The following SLC12A7 variants were observed in gnomAD, a reference collection of about 807,000 sequenced individuals.
The protein encoded by SLC12A7 is solute carrier family 12 member 7, also known as K-Cl cotransporter 4.
SLC12A7 carries 100 observed loss-of-function variants against 120.6 expected under a neutral mutation model. That is an observed-to-expected ratio of 0.83 (90% CI 0.71 to 0.98). The LOEUF is 0.98. Among genes scored for constraint, SLC12A7 ranks in the 50% least tolerant of loss-of-function variants. The pLI is 0.00. For synonymous variants in SLC12A7, 760 were observed against 678.0 expected (o/e 1.12, Z -1.88); for missense variants, 1,373 against 1,548.1 (o/e 0.89, Z 1.90).
intron 3 of SLC12A7, among the ~76,000 whole-genome samples, chr5:1,092,319 G>A (rs982937437): frequency 6.6e-6 from 1 of 152,236 alleles, no homozygotes; most frequent in Non-Finnish European, 1.5e-5. Context: ...GCAAAGCGCA[G>A]AGCCCAGGCT....
rs1270929178 is a variant in SLC12A7, at chr5:1,065,329, T to C, written c.2391A>G (p.Ala797=). 1 of 1,599,544 alleles carries C rather than the reference T, an allele frequency of 6.3e-7. No individual in the cohort carries two copies. The highest frequency in any genetic ancestry group is 8.5e-7 in the Non-Finnish European group (1 of 1,171,876). Residue 797 remains alanine, a synonymous_variant, in exon 18 of 24, where the codon GCA becomes GCG. Transcript: ENST00000264930. ...KHNTVLMAWP[A]SWKQEDNPFS... is the part of the protein sequence containing the mutation. ...AGGGGTTGTCCTCCTGCTTCCAGGA[T>C]GCGGGCCAGGCCATGAGCACCGTGT...
chr5:1,096,636 A>T (rs1741159086), intron 1 of SLC12A7, among the ~76,000 whole-genome samples: 1 of 140,898 alleles, frequency 7.1e-6, no homozygotes, highest in Non-Finnish European at 1.5e-5. Context: ...AAGGACCAGG[A>T]GCCTGGTGCA....
At chr5:1,082,059 T>C (rs1174012655) in intron 8 of SLC12A7, among the ~76,000 whole-genome samples, 18 of 63,160 alleles carry the variant, frequency 2.8e-4, no homozygotes, top group African/African-American at 1.4e-3. Flanking sequence ...CTGGAAAGCC[T>C]GGGCTTCCCA....
upstream of SLC12A7, among the ~76,000 whole-genome samples, chr5:1,113,007 G>A (rs1425551565): frequency 6.6e-6 from 1 of 152,034 alleles, no homozygotes; most frequent in Non-Finnish European, 1.5e-5. Context: ...CTCACAGGGT[G>A]ATGCAGGGAA....
chr5:1,063,532 G>A (rs1395527036), intron 20 of SLC12A7, among the ~76,000 whole-genome samples: 1 of 152,130 alleles, frequency 6.6e-6, no homozygotes, highest in Non-Finnish European at 1.5e-5. Context: ...TTTCTGTGAT[G>A]TCCTGGCGAT....
chr5:1,059,524 G>A (rs1329045860), intron 21 of SLC12A7, among the ~76,000 whole-genome samples: 3 of 152,234 alleles, frequency 2.0e-5, no homozygotes, highest in East Asian at 1.9e-4. Context: ...CCATGAGGCC[G>A]TGACCTCACA....
intron 1 of SLC12A7, among the ~76,000 whole-genome samples, chr5:1,101,898 G>A (rs914064889): frequency 6.6e-6 from 1 of 151,936 alleles, no homozygotes; most frequent in African/African-American, 2.4e-5. Flanking sequence ...ATTAACAAAG[G>A]CCTGCCCCTG....
the SLC12A7 span, among the ~76,000 whole-genome samples, chr5:1,122,540 C>T: frequency 6.6e-5 from 10 of 152,232 alleles, no homozygotes; most frequent in East Asian, 1.9e-4. Context: ...GTCCGACGGA[C>T]GAACCGCATT....
intron 8 of SLC12A7, among the ~76,000 whole-genome samples, chr5:1,083,116 G>A (rs1056803148): frequency 1.4e-5 from 2 of 143,802 alleles, no homozygotes; most frequent in Non-Finnish European, 3.0e-5. Context: ...TGGAAAGTCC[G>A]GGCTTCCCCA....
At chr5:1,118,072 T>C in the SLC12A7 span, among the ~76,000 whole-genome samples, 2 of 151,884 alleles carry the variant, frequency 1.3e-5, no homozygotes, top group African/African-American at 4.8e-5. Flanking sequence ...TGAGACTCTG[T>C]CTCAAAAAAA....
chr5:1,139,591 C>T, the SLC12A7 span, among the ~76,000 whole-genome samples: 1 of 152,242 alleles, frequency 6.6e-6, no homozygotes, highest in Non-Finnish European at 1.5e-5. Context: ...GTGGCCCTAG[C>T]GGGTGTGGGT....
chr5:1,109,165 G>A (rs993178228), intron 1 of SLC12A7, among the ~76,000 whole-genome samples: 3 of 152,118 alleles, frequency 2.0e-5, no homozygotes, highest in East Asian at 1.9e-4. Context: ...GGCTCTGCAC[G>A]CTGCACCTTC....
chr5:1,056,449 A>T, intron 22 of SLC12A7: 1 of 269,866 alleles, frequency 3.7e-6, no homozygotes, highest in Non-Finnish European at 5.7e-6. Flanking sequence ...CTGTACGCGG[A>T]CGCACACAAG....
the SLC12A7 span, among the ~76,000 whole-genome samples, chr5:1,144,746 G>A: frequency 1.3e-5 from 2 of 152,256 alleles, no homozygotes; most frequent in Non-Finnish European, 2.9e-5. Context: ...AAAATTACAG[G>A]CAAGGAAGCA....
chr5:1,083,929 C>A lies in SLC12A7; in HGVS notation c.945G>T (p.Leu315=). ...CGCAGGCATCGAAGCTGCGCCGTGACAGCGTGCGGTTCCCCAGGAGGCAGA... is the reference window on the plus strand; with the variant it reads ...CGCAGGCATCGAAGCTGCGCCGTGAAAGCGTGCGGTTCCCCAGGAGGCAGA... ...IPVCLLGNRT[L]SRRSFDACVK... Residue 315 remains leucine (L), a synonymous_variant, in exon 8 of 24, where the codon CTG becomes CTT. Transcript: ENST00000264930. 6.2e-7 allele frequency: 1 copy of A among 1,604,672 alleles called. No individual in the cohort carries two copies.
chr5:1,094,072 C>T, intron 2 of SLC12A7, 82 bp downstream of exon 2: 1 of 1,145,166 alleles, frequency 8.7e-7, no homozygotes, highest in Non-Finnish European at 1.3e-6. Flanking sequence ...AGGCCCCGGC[C>T]TGGGGGCCCC....
At chr5:1,147,345 G>A in the SLC12A7 span, among the ~76,000 whole-genome samples, 1 of 150,144 alleles carries the variant, frequency 6.7e-6, no homozygotes, top group African/African-American at 2.5e-5. Flanking sequence ...CTCTGTGGCG[G>A]TAAGACCCCA....
the SLC12A7 span, among the ~76,000 whole-genome samples, chr5:1,138,647 C>G: frequency 6.6e-6 from 1 of 152,190 alleles, no homozygotes; most frequent in Non-Finnish European, 1.5e-5. Context: ...TGCAAAGATT[C>G]TTTTCCAAAT....
intron 21 of SLC12A7, among the ~76,000 whole-genome samples, chr5:1,059,410 C>T (rs4505991): frequency 0.94 from 142,926 of 152,266 alleles, 67,756 homozygotes; most frequent in East Asian, 1. Context: ...AGGCAAATCC[C>T]CTGCCCCTGC....
Sources: gnomAD v4.1 joint callset for allele counts (sites outside exome capture counted in the v4.1 genomes callset) on GRCh38, gnomAD v4.1.1 for gene constraint, MANE v1.5 for transcripts, NCBI Gene and HGNC (gene_info 2026-07-23, HGNC 2026-07-21) for gene names.